Variants in SEMA3A observed in about 807,000 individuals in gnomAD.
SEMA3A encodes the protein semaphorin 3A, also known as semaphorin-3A.
SEMA3A carries 29 observed loss-of-function variants against 97.9 expected under a neutral mutation model. The observed-to-expected ratio is 0.30, with a 90% CI of 0.22 to 0.40. The LOEUF is 0.40. Among genes scored for constraint, SEMA3A ranks in the 10% least tolerant of loss-of-function variants. The pLI is 1.00. For missense variants in SEMA3A, 763 were observed against 951.3 expected, an observed-to-expected ratio of 0.80 and a Z score of 2.60; for synonymous variants, 321 against 323.7, an observed-to-expected ratio of 0.99 and a Z score of 0.09.
At chr7:83,999,321 G>A (rs952220538) in intron 12 of SEMA3A, among the ~76,000 whole-genome samples, 2 of 151,948 alleles carry the variant, frequency 1.3e-5, no homozygotes, top group South Asian at 2.1e-4. Context: ...AAACAACATA[G>A]CTAAGATGTG....
intron 2 of SEMA3A, among the ~76,000 whole-genome samples, chr7:84,339,125 G>C (rs893942149): frequency 2.0e-5 from 3 of 152,066 alleles, no homozygotes; most frequent in African/African-American, 7.2e-5. Context: ...TGTTCAAATG[G>C]TGTGCCCTTG....
intron 3 of SEMA3A, among the ~76,000 whole-genome samples, chr7:84,200,695 C>T (rs541422213): frequency 6.6e-6 from 1 of 152,076 alleles, no homozygotes; most frequent in South Asian, 2.1e-4. Flanking sequence ...GTCTTGTCAT[C>T]ACTACAGCTA....
At chr7:84,323,058 C>G (rs574732515) in intron 2 of SEMA3A, among the ~76,000 whole-genome samples, 3 of 152,104 alleles carry the variant, frequency 2.0e-5, no homozygotes, top group Non-Finnish European at 2.9e-5. Flanking sequence ...AATAGTATAC[C>G]CTTTGTCAGT....
intron 2 of SEMA3A, among the ~76,000 whole-genome samples, chr7:84,320,966 C>T (rs1025730961): frequency 1.3e-5 from 2 of 152,060 alleles, no homozygotes; most frequent in Non-Finnish European, 2.9e-5. Context: ...TATATACTGG[C>T]CATCAATATT....
intron 1 of SEMA3A, among the ~76,000 whole-genome samples, chr7:84,149,396 G>A (rs1033436610): frequency 1.4e-4 from 21 of 152,130 alleles, no homozygotes; most frequent in African/African-American, 4.6e-4. Flanking sequence ...TTTGGTTTAA[G>A]ACCCTTAAGG....
intron 1 of SEMA3A, among the ~76,000 whole-genome samples, chr7:84,378,976 G>T (rs1246205353): frequency 2.0e-5 from 3 of 151,594 alleles, no homozygotes; most frequent in Admixed American, 2.0e-4. Context: ...GCCCAGGCTG[G>T]AGTGCAGTGG....
At chr7:84,038,797 G>A (rs1363282801) in intron 6 of SEMA3A, among the ~76,000 whole-genome samples, 1 of 152,064 alleles carries the variant, frequency 6.6e-6, no homozygotes, top group Non-Finnish European at 1.5e-5. Flanking sequence ...GTACTTACTA[G>A]AGATAAATTA....
At chr7:84,212,985 C>T (rs144301881) in intron 3 of SEMA3A, among the ~76,000 whole-genome samples, 61 of 151,948 alleles carry the variant, frequency 4.0e-4, no homozygotes, top group Middle Eastern at 3.4e-3. Flanking sequence ...TTTTTTGAGA[C>T]GGAGTTTCAC....
At chr7:84,206,187 T>C (rs1584123876) in intron 3 of SEMA3A, among the ~76,000 whole-genome samples, 1 of 152,270 alleles carries the variant, frequency 6.6e-6, no homozygotes, top group Admixed American at 6.5e-5. Flanking sequence ...ATTCTTCCCA[T>C]TCTGATTTAT....
intron 3 of SEMA3A, among the ~76,000 whole-genome samples, chr7:84,224,422 G>T (rs1798944143): frequency 6.6e-6 from 1 of 151,876 alleles, no homozygotes; most frequent in Non-Finnish European, 1.5e-5. Flanking sequence ...CAAATTTTCT[G>T]GATTTAATTA....
chr7:84,300,536 T>A (rs919548307), intron 3 of SEMA3A, among the ~76,000 whole-genome samples: 1 of 152,226 alleles, frequency 6.6e-6, no homozygotes, highest in Non-Finnish European at 1.5e-5. Context: ...GTACTACACA[T>A]ATGGCTTAAA....
intron 1 of SEMA3A, among the ~76,000 whole-genome samples, chr7:84,441,918 A>T (rs972326784): frequency 1.4e-4 from 22 of 152,220 alleles, no homozygotes; most frequent in African/African-American, 5.1e-4. Context: ...AACAAATCTC[A>T]GGGAGAAATT....
chr7:83,980,468 G>C (rs1456282002), intron 14 of SEMA3A, among the ~76,000 whole-genome samples: 1 of 151,132 alleles, frequency 6.6e-6, no homozygotes, highest in Non-Finnish European at 1.5e-5. Flanking sequence ...AGCTGGGCAT[G>C]GTGGTGCACG....
chr7:84,312,038 T>C (rs1045683395), intron 2 of SEMA3A, among the ~76,000 whole-genome samples: 18 of 151,886 alleles, frequency 1.2e-4, no homozygotes, highest in African/African-American at 3.1e-4. Flanking sequence ...ACAATACCTC[T>C]GTATCATCTC....
At chr7:83,964,758 T>G (rs148702424) in intron 15 of SEMA3A, among the ~76,000 whole-genome samples, 1 of 152,266 alleles carries the variant, frequency 6.6e-6, no homozygotes, top group Non-Finnish European at 1.5e-5. Flanking sequence ...ATGATTGCAA[T>G]GTAAAGAAAT....
At chr7:83,977,865 G>A (rs1454655074) in intron 14 of SEMA3A, among the ~76,000 whole-genome samples, 1 of 148,296 alleles carries the variant, frequency 6.7e-6, no homozygotes, top group African/African-American at 2.5e-5. Flanking sequence ...GTGCAGTGGC[G>A]TGATCTCGGC....
chr7:84,027,640 C>T lies in SEMA3A; in HGVS notation c.668-13289G>A, dbSNP rs145567239. ...ACTTGGTTACTTGAACTCAAACAGA[C>T]ACTATTATATATACTTACATAATTG... is the stretch of plus-strand genomic sequence containing the variant. On this transcript the variant is annotated intron_variant, in intron 6 of 16. Transcript: ENST00000265362. 2.7e-3 allele frequency among the ~76,000 whole-genome samples: 414 copies of T among 152,242 alleles called. 2 individuals are homozygous for T. The highest frequency in any genetic ancestry group is 9.2e-3 in the African/African-American group (381 of 41,532).
intron 4 of SEMA3A, among the ~76,000 whole-genome samples, chr7:84,074,604 G>A (rs11982460): frequency 0.13 from 19,166 of 151,738 alleles, 1,275 homozygotes; most frequent in South Asian, 0.15. Flanking sequence ...GAAGAACCTC[G>A]GTGAAAGATA....
intron 2 of SEMA3A, among the ~76,000 whole-genome samples, chr7:84,349,215 G>A (rs1437395882): frequency 2.6e-5 from 4 of 151,840 alleles, no homozygotes; most frequent in Middle Eastern, 6.8e-3. Flanking sequence ...TCTTCATTTC[G>A]TCCCTTGGTA....
Sources: allele counts gnomAD v4.1 joint callset (sites outside exome capture counted in the v4.1 genomes callset), GRCh38; gene constraint gnomAD v4.1.1; transcripts MANE v1.5; gene names NCBI Gene and HGNC (gene_info 2026-07-23, HGNC 2026-07-21).